CDK14: variants seen among roughly 807,000 people sequenced by gnomAD.
CDK14 encodes cyclin dependent kinase 14.
A neutral mutation model predicts 60.7 loss-of-function variants in CDK14; 34 were observed. The observed-to-expected ratio is 0.56, with a 90% CI of 0.43 to 0.75. The LOEUF (loss-of-function observed/expected upper bound fraction) is 0.75. CDK14 is among the 30% of genes least tolerant of loss of function. The pLI is 0.00. For missense variants in CDK14, 482 were observed against 564.1 expected, an observed-to-expected ratio of 0.85 and a Z score of 1.47; for synonymous variants, 197 against 203.7, an observed-to-expected ratio of 0.97 and a Z score of 0.28.
At position 90,874,503 on chromosome 7, in the gene CDK14, C is replaced by CTTTT. The variant is rs747439482; in HGVS notation, c.639+11267_639+11270dup. 8.5e-3 allele frequency among the ~76,000 whole-genome samples: 406 copies of CTTTT among 48,002 alleles called. 125 individuals carry two copies. The highest frequency in any genetic ancestry group is 0.014 in the East Asian group (12 of 834). 31.5% of individuals were successfully genotyped at this position (48,002 alleles called of 152,430 possible). A position where few individuals can be genotyped will look rare whatever the true frequency, so the allele number is the denominator to read the frequency against. The stretch of plus-strand genomic sequence containing the variant: ...ATCTGGAATCTCATGTCCTTTCATC[C>CTTTT]TTTTTTTTTTTTTTTTTTTTTTTTT... On this transcript the variant is annotated intron_variant, in intron 6 of 14. Coordinates refer to ENST00000380050, the MANE Select transcript of CDK14 (RefSeq NM_001287135.2).
chr7:90,794,911 T>G (rs1256530673), intron 5 of CDK14, among the ~76,000 whole-genome samples: 4 of 152,226 alleles, frequency 2.6e-5, no homozygotes, highest in Non-Finnish European at 4.4e-5. Flanking sequence ...AGTATTAATT[T>G]GGGGAACTAA....
chr7:91,110,641 T>C (rs1331017171), intron 12 of CDK14, among the ~76,000 whole-genome samples: 1 of 152,228 alleles, frequency 6.6e-6, no homozygotes, highest in African/African-American at 2.4e-5. Context: ...TGTATTTACA[T>C]GCAATGTAAC....
chr7:90,814,174 A>G (rs1469677874), intron 5 of CDK14, among the ~76,000 whole-genome samples: 1 of 152,200 alleles, frequency 6.6e-6, no homozygotes, highest in Non-Finnish European at 1.5e-5. Context: ...TGGTTGAATT[A>G]TAGGACTGTA....
intron 3 of CDK14, among the ~76,000 whole-genome samples, chr7:90,731,707 T>C (rs1026177587): frequency 9.9e-5 from 15 of 152,134 alleles, no homozygotes; most frequent in African/African-American, 3.6e-4. Flanking sequence ...TGAGACTTTG[T>C]TGAAGTTGCT....
At chr7:90,876,307 C>T (rs185755032) in intron 6 of CDK14, among the ~76,000 whole-genome samples, 124 of 152,290 alleles carry the variant, frequency 8.1e-4, no homozygotes, top group Non-Finnish European at 1.4e-3. Context: ...CCTACATAAT[C>T]CCCCATTTTA....
At chr7:90,874,643 C>T (rs1213132093) in intron 6 of CDK14, among the ~76,000 whole-genome samples, 2 of 149,412 alleles carry the variant, frequency 1.3e-5, no homozygotes, top group Non-Finnish European at 3.0e-5. Flanking sequence ...ATTCTCCTGC[C>T]TCAGCCTCCC....
At chr7:91,026,961 G>T (rs1277893999) in intron 10 of CDK14, among the ~76,000 whole-genome samples, 2 of 152,018 alleles carry the variant, frequency 1.3e-5, no homozygotes, top group Non-Finnish European at 2.9e-5. Context: ...TGTTTCCTTG[G>T]TACACTTAGG....
intron 4 of CDK14, among the ~76,000 whole-genome samples, chr7:90,767,692 C>T (rs2116881131): frequency 6.6e-6 from 1 of 152,322 alleles, no homozygotes; most frequent in Non-Finnish European, 1.5e-5. Context: ...ACAAACATAA[C>T]TCCTGACTCG....
intron 4 of CDK14, among the ~76,000 whole-genome samples, chr7:90,778,846 A>ATTCCTTCCTTCCTTCCTTCCTTCCTT (rs1554335028): frequency 1.3e-4 from 17 of 127,968 alleles, no homozygotes; most frequent in African/African-American, 4.6e-4. Flanking sequence ...AAATTGACCG[A>ATTCCTTCCTTCCTTCCTTCCTTCCTT]CCTTCCTTCC....
At chr7:91,059,798 A>G (rs943706345) in intron 11 of CDK14, among the ~76,000 whole-genome samples, 1 of 152,200 alleles carries the variant, frequency 6.6e-6, no homozygotes, top group African/African-American at 2.4e-5. Flanking sequence ...GTTCTTTTAC[A>G]TTTGCTGAGG....
chr7:90,597,741 C>T (rs1004708445), intron 1 of CDK14, among the ~76,000 whole-genome samples: 5 of 151,860 alleles, frequency 3.3e-5, no homozygotes, highest in African/African-American at 1.2e-4. Flanking sequence ...CTGGGATGCA[C>T]ATGAGTGTTA....
intron 10 of CDK14, among the ~76,000 whole-genome samples, chr7:91,031,036 C>G (rs921393459): frequency 6.6e-6 from 1 of 152,188 alleles, no homozygotes; most frequent in Non-Finnish European, 1.5e-5. Flanking sequence ...TTGGCTCTGT[C>G]GTCCTTTTTG....
intron 8 of CDK14, among the ~76,000 whole-genome samples, chr7:90,941,221 G>A (rs34033115): frequency 6.6e-6 from 1 of 152,316 alleles, no homozygotes; most frequent in East Asian, 1.9e-4. Context: ...AAGGGCATGT[G>A]GGGAGGGTGC....
intron 10 of CDK14, among the ~76,000 whole-genome samples, chr7:91,019,532 A>ACTTG: frequency 6.6e-6 from 1 of 152,180 alleles, no homozygotes; most frequent in Non-Finnish European, 1.5e-5. Context: ...CTCTATATTG[A>ACTTG]CTTGGGCTTT....
chr7:90,638,178 G>A (rs894641364), intron 2 of CDK14, among the ~76,000 whole-genome samples: 3 of 152,084 alleles, frequency 2.0e-5, no homozygotes, highest in African/African-American at 7.2e-5. Context: ...CCATTATGAT[G>A]TTAGCTGGTT....
At chr7:90,911,555 A>T (rs1355822505) in intron 7 of CDK14, among the ~76,000 whole-genome samples, 1 of 152,172 alleles carries the variant, frequency 6.6e-6, no homozygotes, top group Admixed American at 6.5e-5. Flanking sequence ...TGAAAAATCT[A>T]CAAGATATTC....
chr7:90,804,136 T>C (rs1468176781), intron 5 of CDK14, among the ~76,000 whole-genome samples: 1 of 152,214 alleles, frequency 6.6e-6, no homozygotes, highest in Non-Finnish European at 1.5e-5. Context: ...AAAGGCGATA[T>C]TGAGAAAGCT....
At chr7:90,870,367 G>A (rs1324838631) in intron 6 of CDK14, among the ~76,000 whole-genome samples, 1 of 152,114 alleles carries the variant, frequency 6.6e-6, no homozygotes, top group African/African-American at 2.4e-5. Context: ...AGAAGGGAGA[G>A]GATGAGGAAA....
chr7:90,874,465 G>A (rs1446759250), intron 6 of CDK14, among the ~76,000 whole-genome samples: 1 of 138,146 alleles, frequency 7.2e-6, no homozygotes, highest in Non-Finnish European at 1.5e-5. Flanking sequence ...TGCTCATTGG[G>A]TGTACTTTTT....
Sources: gnomAD v4.1 joint callset for allele counts (sites outside exome capture counted in the v4.1 genomes callset) on GRCh38, gnomAD v4.1.1 for gene constraint, MANE v1.5 for transcripts, NCBI Gene and HGNC (gene_info 2026-07-23, HGNC 2026-07-21) for gene names.